The following CRB1 variants were observed in gnomAD, a reference collection of about 807,000 sequenced individuals.
CRB1 encodes the protein crumbs cell polarity complex component 1.
Under a neutral mutation model 120.0 loss-of-function variants are expected in CRB1, and 83 were observed. The ratio of observed to expected loss-of-function variants is 0.69; its 90% CI spans 0.58 to 0.83. CRB1 has a LOEUF of 0.83. Ranked by LOEUF, CRB1 falls within the 40% of genes least tolerant of loss-of-function variation. The pLI, the probability that CRB1 is intolerant of heterozygous loss-of-function variation, is 0.00. For synonymous variants in CRB1, 625 were observed against 612.5 expected (o/e 1.02, Z -0.30); for missense variants, 1,699 against 1,687.6 (o/e 1.01, Z -0.12).
chr1:197,268,406 T>TA lies in CRB1; in HGVS notation c.-5dup. The TA allele has an allele frequency of 1.2e-6, 2 of 1,602,124 alleles. No homozygotes were observed. Among genetic ancestry groups the TA allele is most frequent in the Non-Finnish European group, 1.7e-6 (2 of 1,169,130 alleles). Reference sequence around the variant, plus strand: ...AACACACCAGAGGATGTTCTCTAAATAAGACCATGGCACTTAAGAACATTA... The same window carrying TA: ...AACACACCAGAGGATGTTCTCTAAATAAAGACCATGGCACTTAAGAACATTA... On this transcript the variant is annotated 5_prime_UTR_variant, in exon 1 of 12. Transcript: ENST00000367400.
intron 5 of CRB1, among the ~76,000 whole-genome samples, chr1:197,389,483 G>A (rs908724782): frequency 2.0e-5 from 3 of 152,072 alleles, no homozygotes; most frequent in African/African-American, 7.2e-5. Flanking sequence ...AGTTCCTGGA[G>A]TAGTTAATTT....
chr1:197,394,005 T>C (rs1662643139), intron 5 of CRB1, among the ~76,000 whole-genome samples: 1 of 152,160 alleles, frequency 6.6e-6, no homozygotes, highest in South Asian at 2.1e-4. Flanking sequence ...ACAAAATTTA[T>C]AGCGGTTTGG....
At chr1:197,247,937 A>G in the CRB1 span, among the ~76,000 whole-genome samples, 1 of 152,194 alleles carries the variant, frequency 6.6e-6, no homozygotes, top group East Asian at 1.9e-4. Flanking sequence ...TATTAAATCT[A>G]GAAACATAGA....
chr1:197,262,927 C>T, the CRB1 span, among the ~76,000 whole-genome samples: 7 of 152,144 alleles, frequency 4.6e-5, no homozygotes, highest in African/African-American at 1.4e-4. Context: ...TCCAATCCAT[C>T]GTTGATGGGA....
At chr1:197,298,432 G>T (rs1355627472) in intron 1 of CRB1, among the ~76,000 whole-genome samples, 1 of 152,234 alleles carries the variant, frequency 6.6e-6, no homozygotes, top group Non-Finnish European at 1.5e-5. Context: ...AAAAAGTGGG[G>T]TAAGAGGATT....
At chr1:197,341,269 G>A (rs111851062) in intron 2 of CRB1, among the ~76,000 whole-genome samples, 565 of 152,270 alleles carry the variant, frequency 3.7e-3, no homozygotes, top group Middle Eastern at 6.8e-3. Flanking sequence ...TGGGCCAGAC[G>A]CAGTGGCTCA....
chr1:197,384,173 C>T (rs1351419367), intron 5 of CRB1, among the ~76,000 whole-genome samples: 1 of 152,142 alleles, frequency 6.6e-6, no homozygotes, highest in East Asian at 1.9e-4. Context: ...TCTAAAAAAT[C>T]CTCTAAGGTA....
At chr1:197,372,621 C>T (rs1661427403) in intron 5 of CRB1, among the ~76,000 whole-genome samples, 1 of 151,614 alleles carries the variant, frequency 6.6e-6, no homozygotes, top group Admixed American at 6.6e-5. Context: ...AGGTTGGGCA[C>T]AGTGGTTCAC....
intron 2 of CRB1, among the ~76,000 whole-genome samples, chr1:197,334,856 T>G (rs1215700692): frequency 6.6e-6 from 1 of 152,184 alleles, no homozygotes; most frequent in Non-Finnish European, 1.5e-5. Context: ...TAAAGAGAAG[T>G]GATGACAAAG....
At chr1:197,282,853 C>T (rs1236010768) in intron 1 of CRB1, among the ~76,000 whole-genome samples, 3 of 151,882 alleles carry the variant, frequency 2.0e-5, no homozygotes, top group Non-Finnish European at 4.4e-5. Flanking sequence ...TTCTTTTCTT[C>T]TCTCAGAAAT....
At chr1:197,249,032 C>G in the CRB1 span, among the ~76,000 whole-genome samples, 2 of 151,998 alleles carry the variant, frequency 1.3e-5, no homozygotes, top group Non-Finnish European at 2.9e-5. Flanking sequence ...AGAGAAATAG[C>G]TATTGGTCTT....
intron 11 of CRB1, among the ~76,000 whole-genome samples, chr1:197,461,049 C>A (rs999941172): frequency 1.3e-5 from 2 of 152,086 alleles, no homozygotes; most frequent in Non-Finnish European, 1.5e-5. Flanking sequence ...TCACAGCTGG[C>A]AATATGTAAA....
chr1:197,354,151 G>A (rs576767596), intron 4 of CRB1, among the ~76,000 whole-genome samples: 27 of 152,166 alleles, frequency 1.8e-4, no homozygotes, highest in East Asian at 7.7e-4. Context: ...TGATAGCAAA[G>A]GTTGGCAAAC....
chr1:197,351,882 C>G (rs1345110213), intron 4 of CRB1, among the ~76,000 whole-genome samples: 2 of 152,136 alleles, frequency 1.3e-5, no homozygotes, highest in Non-Finnish European at 2.9e-5. Flanking sequence ...ACCCTTGTAA[C>G]CTATCTTGCT....
intron 1 of CRB1, among the ~76,000 whole-genome samples, chr1:197,273,331 A>T (rs962019199): frequency 2.6e-4 from 39 of 152,148 alleles, no homozygotes; most frequent in African/African-American, 3.4e-4. Context: ...CTATAATATT[A>T]TCAATGATTT....
Position 197,477,901 on chromosome 1 carries a change from TG to T in CRB1, c.*26del, listed in dbSNP as rs771621780. On this transcript the variant is annotated 3_prime_UTR_variant, in exon 12 of 12. Transcript: ENST00000367400. Reference sequence around the variant, plus strand: ...TTAGGAGCATTGTGTCCCTTCGAGATGGGGATCCACACACTGTGAATGTGAT... The same window carrying T: ...TTAGGAGCATTGTGTCCCTTCGAGATGGGATCCACACACTGTGAATGTGAT... The T allele has an allele frequency of 1.1e-5, 17 of 1,607,798 alleles. 1 individual carries two copies. The South Asian group carries it at 1.9e-4, about 18-fold the overall frequency.
intron 11 of CRB1, among the ~76,000 whole-genome samples, chr1:197,464,111 T>C (rs546470226): frequency 6.6e-6 from 1 of 152,306 alleles, no homozygotes; most frequent in East Asian, 1.9e-4. Context: ...AGTTGAGCTG[T>C]GTTGCAACTC....
At chr1:197,472,333 A>G (rs535248370) in intron 11 of CRB1, among the ~76,000 whole-genome samples, 5 of 152,306 alleles carry the variant, frequency 3.3e-5, no homozygotes, top group African/African-American at 1.2e-4. Context: ...AACCCCAAAT[A>G]TTGCCTTCAT....
At chr1:197,243,591 A>T in the CRB1 span, among the ~76,000 whole-genome samples, 1 of 152,270 alleles carries the variant, frequency 6.6e-6, no homozygotes. Flanking sequence ...TTTTACTTCC[A>T]ATTATCTCGT....
Sources: gnomAD v4.1 joint callset for allele counts (sites outside exome capture counted in the v4.1 genomes callset) on GRCh38, gnomAD v4.1.1 for gene constraint, MANE v1.5 for transcripts, NCBI Gene and HGNC (gene_info 2026-07-23, HGNC 2026-07-21) for gene names.